ALK: variants seen among roughly 807,000 people sequenced by gnomAD.
ALK encodes the protein ALK tyrosine kinase receptor.
In ALK, 74 loss-of-function variants were observed where a neutral mutation model predicts 163.1. The ratio of observed to expected loss-of-function variants is 0.45; its 90% confidence interval spans 0.38 to 0.55. The LOEUF is 0.55. Among genes scored for constraint, ALK ranks in the 20% least tolerant of loss-of-function variants. ALK has a pLI of 0.00. For missense variants in ALK, 2,063 were observed against 2,105.3 expected, an observed-to-expected ratio of 0.98 and a Z score of 0.39; for synonymous variants, 960 against 843.2, an observed-to-expected ratio of 1.14 and a Z score of -2.40.
chr2:29,202,280 C>T (rs929359162), intron 26 of ALK, among the ~76,000 whole-genome samples: 5 of 152,220 alleles, frequency 3.3e-5, no homozygotes, highest in Admixed American at 2.0e-4. Flanking sequence ...AGCTTCCCCC[C>T]GCCCACCTTT....
In ALK at chr2:29,207,918, C is replaced by A. The variant is rs1669356192; in HGVS notation, c.3837-646G>T. ...TAAATTAACTCATCTGCCTGTTAGG[C>A]CAATTGCATGTCTAGCCTGGTGTTC... On this transcript the variant is annotated intron_variant, in intron 25 of 28. Transcript: ENST00000389048. 43 of 374,474 alleles carry A rather than the reference C, an allele frequency of 1.1e-4. 1 individual carries two copies. Among genetic ancestry groups the A allele is most frequent in the South Asian group, 8.5e-4 (43 of 50,406 alleles). The allele number at this position is 374,474 out of a possible 1,614,324, so 23.2% of individuals were successfully genotyped here.
chr2:29,786,988 G>C lies in ALK; in HGVS notation c.668-69291C>G, dbSNP rs1053586348. On this transcript the variant is annotated intron_variant, in intron 1 of 28. Coordinates refer to ENST00000389048, the MANE Select transcript of ALK (RefSeq NM_004304.5). Reference sequence around the variant, plus strand: ...TTTTTTGTATTTTTAGTAAAGACAGGGTTTCACCATGTTAGCCAGGATGGT... The same window carrying C: ...TTTTTTGTATTTTTAGTAAAGACAGCGTTTCACCATGTTAGCCAGGATGGT... Among the ~76,000 whole-genome samples, 4 of 152,114 alleles carry C rather than the reference G, an allele frequency of 2.6e-5. No individual in the cohort carries two copies. The East Asian group carries it at 5.8e-4, about 22-fold the overall frequency.
chr2:29,500,208 A>G (rs1359165141), intron 4 of ALK, among the ~76,000 whole-genome samples: 1 of 152,198 alleles, frequency 6.6e-6, no homozygotes, highest in Admixed American at 6.5e-5. Flanking sequence ...GTGGGAGGCA[A>G]CTGGATCATG....
At chr2:29,278,215 A>T (rs962514668) in intron 9 of ALK, among the ~76,000 whole-genome samples, 3 of 152,184 alleles carry the variant, frequency 2.0e-5, no homozygotes, top group African/African-American at 4.8e-5. Context: ...TGTGAGGGCC[A>T]TGTGGGCAGG....
At chr2:29,879,855 A>G (rs1055215094) in intron 1 of ALK, among the ~76,000 whole-genome samples, 2 of 152,216 alleles carry the variant, frequency 1.3e-5, no homozygotes, top group African/African-American at 4.8e-5. Flanking sequence ...GATAACTAAC[A>G]AGGCCGAAAC....
rs1005739009 is a variant in ALK, at chr2:29,336,788, T to C, written c.1283-8307A>G. Among the ~76,000 whole-genome samples, 3 of 152,244 alleles carry C rather than the reference T, an allele frequency of 2.0e-5. No homozygotes were observed. In the South Asian group the frequency reaches 6.2e-4, roughly 32 times the overall value. The stretch of plus-strand genomic sequence containing the variant: ...TAATTTTTAATTAGGGTGATTTATG[T>C]GTCATTTTAAAAAGGCACATTTCTA... On this transcript the variant is annotated intron_variant, in intron 5 of 28. Coordinates refer to ENST00000389048, the MANE Select transcript of ALK (RefSeq NM_004304.5).
chr2:29,562,894 A>G (rs1335107417), intron 3 of ALK, among the ~76,000 whole-genome samples: 2 of 152,248 alleles, frequency 1.3e-5, no homozygotes, highest in Non-Finnish European at 2.9e-5. Flanking sequence ...GGTCTATCTT[A>G]AGTAGGGTAC....
At chr2:29,417,169 T>C (rs1573335519) in intron 4 of ALK, among the ~76,000 whole-genome samples, 2 of 151,900 alleles carry the variant, frequency 1.3e-5, no homozygotes, top group East Asian at 3.9e-4. Context: ...TTTGTAGTTT[T>C]AGTAGAAACG....
intron 5 of ALK, among the ~76,000 whole-genome samples, chr2:29,378,463 A>G (rs1668812111): frequency 6.6e-6 from 1 of 152,196 alleles, no homozygotes; most frequent in African/African-American, 2.4e-5. Flanking sequence ...CCTCCATTTC[A>G]ATACCAGCTG....
At chr2:29,406,090 C>G (rs1669573336) in intron 4 of ALK, among the ~76,000 whole-genome samples, 1 of 152,166 alleles carries the variant, frequency 6.6e-6, no homozygotes, top group Admixed American at 6.5e-5. Context: ...GTATTATAAG[C>G]AAAGCATTTG....
At chr2:29,435,876 T>C (rs1167181020) in intron 4 of ALK, among the ~76,000 whole-genome samples, 2 of 152,168 alleles carry the variant, frequency 1.3e-5, no homozygotes, top group Admixed American at 6.5e-5. Context: ...GTATAAGACA[T>C]GGCTTTCATA....
At chr2:29,868,762 T>G (rs1415113195) in intron 1 of ALK, among the ~76,000 whole-genome samples, 1 of 152,226 alleles carries the variant, frequency 6.6e-6, no homozygotes, top group Non-Finnish European at 1.5e-5. Context: ...GACTTTGACA[T>G]TCCTTCCATC....
At chr2:29,534,375 C>T (rs1673199474) in intron 3 of ALK, among the ~76,000 whole-genome samples, 1 of 152,152 alleles carries the variant, frequency 6.6e-6, no homozygotes, top group African/African-American at 2.4e-5. Flanking sequence ...CTGGGGTTTC[C>T]AGTACTAGGG....
intron 3 of ALK, among the ~76,000 whole-genome samples, chr2:29,665,472 G>A (rs1010943555): frequency 2.6e-5 from 4 of 151,950 alleles, no homozygotes; most frequent in Admixed American, 6.6e-5. Context: ...CTATCCTTAC[G>A]TCTTATGTAT....
chr2:29,507,400 T>C (rs183911460), intron 4 of ALK, among the ~76,000 whole-genome samples: 16 of 152,290 alleles, frequency 1.1e-4, no homozygotes, highest in Admixed American at 1.0e-3. Context: ...CTATTGTTTA[T>C]TGGGTACACA....
intron 1 of ALK, among the ~76,000 whole-genome samples, chr2:29,849,175 G>A (rs1665931073): frequency 6.6e-6 from 1 of 152,198 alleles, no homozygotes; most frequent in Non-Finnish European, 1.5e-5. Context: ...CAGAAAAGCT[G>A]GGCTTCCCCA....
intron 1 of ALK, among the ~76,000 whole-genome samples, chr2:29,757,966 C>T (rs1387697595): frequency 5.9e-5 from 9 of 151,488 alleles, no homozygotes; most frequent in Non-Finnish European, 1.0e-4. Context: ...AAAACACACC[C>T]ATTCCCAAGA....
At chr2:29,829,184 A>G (rs1214643883) in intron 1 of ALK, among the ~76,000 whole-genome samples, 11 of 86,868 alleles carry the variant, frequency 1.3e-4, no homozygotes, top group Admixed American at 1.5e-4. Context: ...GGGAGGGGGG[A>G]GGGATAGCAT....
chr2:29,550,894 A>G (rs1673698616), intron 3 of ALK, among the ~76,000 whole-genome samples: 2 of 152,288 alleles, frequency 1.3e-5, no homozygotes, highest in African/African-American at 2.4e-5. Context: ...TTCACTTAAC[A>G]TTGTCGTAAG....
Sources: allele counts gnomAD v4.1 joint callset (sites outside exome capture counted in the v4.1 genomes callset), GRCh38; gene constraint gnomAD v4.1.1; transcripts MANE v1.5; gene names NCBI Gene and HGNC (gene_info 2026-07-23, HGNC 2026-07-21).